Variants in LSP1 observed in about 807,000 individuals in gnomAD.
The protein encoded by LSP1 is lymphocyte-specific protein 1.
LSP1 carries 32 observed loss-of-function variants against 49.3 expected under a neutral mutation model. The ratio of observed to expected loss-of-function variants is 0.65; its 90% CI spans 0.49 to 0.87. The LOEUF is 0.87. Among genes scored for constraint, LSP1 ranks in the 40% least tolerant of loss-of-function variants. The pLI is 0.00. For synonymous variants in LSP1, 179 were observed against 178.8 expected (o/e 1.00, Z -0.01); for missense variants, 428 against 442.6 (o/e 0.97, Z 0.30).
At chr11:1,881,919 C>G (rs1444950190) in intron 3 of LSP1, among the ~76,000 whole-genome samples, 1 of 152,156 alleles carries the variant, frequency 6.6e-6, no homozygotes, top group Admixed American at 6.5e-5. Context: ...GCCCCTGGGC[C>G]CCATCCAGGC....
intron 7 of LSP1, among the ~76,000 whole-genome samples, chr11:1,885,824 C>G (rs1363339302): frequency 6.6e-6 from 1 of 151,794 alleles, no homozygotes; most frequent in South Asian, 2.1e-4. Context: ...TCCATCCATA[C>G]TTTACTCCTT....
At position 1,886,750 on chromosome 11, in the gene LSP1, A is replaced by G; in HGVS notation, c.736A>G (p.Lys246Glu). The change falls in exon 8 of 11, where the codon AAG (lysine) becomes GAG (glutamate). Residue 246 changes from lysine to glutamate, a missense_variant. Coordinates refer to ENST00000311604, the MANE Select transcript of LSP1 (RefSeq NM_002339.3). ...TCTGCAGACCGCTGGCCGGACCCCCAAGCTAGCCCGCCAGGCCTCCATAGA... is the reference window on the plus strand; with the variant it reads ...TCTGCAGACCGCTGGCCGGACCCCCGAGCTAGCCCGCCAGGCCTCCATAGA... ...QAIETAGRTP[K>E]LARQASIELP... 1 of 1,610,744 alleles carries G rather than the reference A, an allele frequency of 6.2e-7. No homozygotes were observed.
chr11:1,853,188 A>T lies in LSP1; in HGVS notation c.44A>T (p.Glu15Val). The T allele has an allele frequency of 1.2e-6, 2 of 1,610,916 alleles. No homozygotes were observed. The highest frequency in any genetic ancestry group is 3.4e-5 in the Admixed American group (2 of 59,618). Residue 15 changes from glutamate (E) to valine (V), a missense_variant, in exon 1 of 11, where the codon GAG becomes GTG. Coordinates refer to ENST00000311604, the MANE Select transcript of LSP1 (RefSeq NM_002339.3). Reference protein sequence around the residue: ...SSDPGAEEREELLGPTAQWSV... With the variant: ...SSDPGAEEREVLLGPTAQWSV... ...GACCCGGGTGCCGAGGAGCGGGAAGAGTTGCTGGGGTAAGGGTCTGCGGCG... is the reference window on the plus strand; with the variant it reads ...GACCCGGGTGCCGAGGAGCGGGAAGTGTTGCTGGGGTAAGGGTCTGCGGCG...
At position 1,886,757 on chromosome 11, in the gene LSP1, C is replaced by A. The variant is rs573166009; in HGVS notation, c.743C>A (p.Ala248Asp). ...IETAGRTPKL[A>D]RQASIELPSM... ...ACCGCTGGCCGGACCCCCAAGCTAG[C>A]CCGCCAGGCCTCCATAGAGCTGCCC... Residue 248 changes from alanine (A) to aspartate (D), a missense_variant, in exon 8 of 11, where the codon GCC (alanine) becomes GAC (aspartate). Transcript: ENST00000311604. 4.3e-6 allele frequency: 7 copies of A among 1,610,922 alleles called. No homozygotes were observed. The African/African-American group carries it at 6.7e-5, about 15-fold the overall frequency.
chr11:1,884,451 G>A lies in LSP1; in HGVS notation c.636-49G>A, dbSNP rs1283503427. On this transcript the variant is annotated intron_variant, in intron 6 of 10. Transcript: ENST00000311604. The surrounding 1 kb of genome is among the most constrained non-coding windows in gnomAD (Gnocchi z 4.1). ...TCTGGGAGAGGCTTGGGCAGGTTGG[G>A]AGAAGCCTTGTGGGAGACATGGGGC... 6.2e-7 allele frequency: 1 copy of A among 1,604,166 alleles called. No homozygotes were observed. Among genetic ancestry groups the A allele is most frequent in the South Asian group, 1.1e-5 (1 of 90,890 alleles).
intron 1 of LSP1, among the ~76,000 whole-genome samples, chr11:1,858,163 A>G (rs543782867): frequency 2.0e-5 from 3 of 152,328 alleles, no homozygotes; most frequent in East Asian, 3.9e-4. Flanking sequence ...ACAGGGGCCA[A>G]GTGCATTGTC....
chr11:1,891,637 TGG>T (rs1176944917), intron 10 of LSP1, 134 bp from the exon 11 acceptor site: 3 of 153,048 alleles, frequency 2.0e-5, no homozygotes, highest in African/African-American at 7.3e-5. Flanking sequence ...TGTGGTGGAG[TGG>T]GGGTGTGGGC....
At chr11:1,886,026 G>A (rs1263637154) in intron 7 of LSP1, among the ~76,000 whole-genome samples, 9 of 149,822 alleles carry the variant, frequency 6.0e-5, no homozygotes, top group Non-Finnish European at 1.0e-4. Flanking sequence ...GTACTCCTCC[G>A]TCCTATCAAT....
intron 1 of LSP1, among the ~76,000 whole-genome samples, chr11:1,873,948 CGG>C (rs1848170369): frequency 1.3e-5 from 1 of 78,606 alleles, no homozygotes; most frequent in African/African-American, 5.1e-5. Flanking sequence ...GGAGGGAGGC[CGG>C]CAGAGCAGGG....
chr11:1,867,292 T>C (rs1193213777), intron 1 of LSP1, among the ~76,000 whole-genome samples: 1 of 151,930 alleles, frequency 6.6e-6, no homozygotes, highest in Non-Finnish European at 1.5e-5. Context: ...TGTGCACTAA[T>C]ACACACCCCC....
chr11:1,889,901 G>T, intron 10 of LSP1: 1 of 627,690 alleles, frequency 1.6e-6, no homozygotes, highest in Non-Finnish European at 2.9e-6. Context: ...GCAGTGGGCG[G>T]ATGTGAGCCA....
chr11:1,872,972 G>C (rs1589817452), intron 1 of LSP1, among the ~76,000 whole-genome samples: 15 of 152,154 alleles, frequency 9.9e-5, no homozygotes, highest in Admixed American at 7.8e-4. Context: ...TCCCAGCGGT[G>C]GGGGGTGGGG....
At chr11:1,887,360 G>A in intron 9 of LSP1, 46 bp downstream of exon 9, 6 of 1,596,292 alleles carry the variant, frequency 3.8e-6, no homozygotes, top group Non-Finnish European at 5.1e-6. Flanking sequence ...GTGCAGCAGG[G>A]GAGGGCAAAG....
At chr11:1,872,945 C>A (rs898987072) in intron 1 of LSP1, among the ~76,000 whole-genome samples, 1 of 152,024 alleles carries the variant, frequency 6.6e-6, no homozygotes, top group Non-Finnish European at 1.5e-5. Context: ...CCTATCCCAT[C>A]CCAAGTTGGA....
intron 1 of LSP1, among the ~76,000 whole-genome samples, chr11:1,876,223 CTG>C (rs1848304052): frequency 2.0e-5 from 3 of 152,208 alleles, no homozygotes; most frequent in Admixed American, 2.0e-4. Context: ...GCACACGGTG[CTG>C]TGTCTCTCCA....
At chr11:1,880,302 A>G (rs1397084419) in intron 2 of LSP1, 78 bp downstream of exon 2, 46 of 1,433,556 alleles carry the variant, frequency 3.2e-5, no homozygotes, top group Non-Finnish European at 4.2e-5. Flanking sequence ...GGGGAGGTCA[A>G]GGGCCTGGGC....
intron 10 of LSP1, chr11:1,890,169 C>A (rs762864076): frequency 4.2e-6 from 3 of 717,020 alleles, no homozygotes; most frequent in African/African-American, 1.7e-5. Context: ...TAGAATCCTG[C>A]GCTGGGTGAG....
At chr11:1,888,102 T>C (rs1848832249) in intron 10 of LSP1, among the ~76,000 whole-genome samples, 1 of 152,138 alleles carries the variant, frequency 6.6e-6, no homozygotes, top group South Asian at 2.1e-4. Context: ...ACACATTTAT[T>C]AGTGACCTGG....
chr11:1,853,110 C>A lies in LSP1; in HGVS notation c.-35C>A. On this transcript the variant is annotated 5_prime_UTR_variant, in exon 1 of 11. It adds an upstream start codon to the 5' untranslated region. Transcript: ENST00000311604. ...CAGCACGTACACCCACTCCAGGGAT[C>A]TGCCAGCACCCTGTGGGGCCCAGAC... 6.3e-7 allele frequency: 1 copy of A among 1,599,704 alleles called. No individual in the cohort carries two copies. The highest frequency in any genetic ancestry group is 8.5e-7 in the Non-Finnish European group (1 of 1,174,556).
Sources: allele counts gnomAD v4.1 joint callset (sites outside exome capture counted in the v4.1 genomes callset), GRCh38; gene constraint gnomAD v4.1.1; non-coding constraint Gnocchi (gnomAD v3.1); transcripts MANE v1.5; gene names NCBI Gene and HGNC (gene_info 2026-07-23, HGNC 2026-07-21).